CCNYL1: variants seen among roughly 807,000 people sequenced by gnomAD.
The protein encoded by CCNYL1 is cyclin-Y-like protein 1.
A neutral mutation model predicts 44.2 loss-of-function variants in CCNYL1; 16 were observed. That is an observed-to-expected ratio of 0.36 (90% confidence interval 0.25 to 0.55). CCNYL1 has a LOEUF of 0.55. CCNYL1 is among the 20% of genes least tolerant of loss of function. The pLI, the probability that CCNYL1 is intolerant of heterozygous loss-of-function variation, is 0.85. For missense variants in CCNYL1, 348 were observed against 451.8 expected (o/e 0.77, Z 2.08); for synonymous variants, 159 against 163.2 (o/e 0.97, Z 0.20).
At chr2:207,717,943 C>T (rs113247286) in intron 1 of CCNYL1, among the ~76,000 whole-genome samples, 2,758 of 139,056 alleles carry the variant, frequency 0.02, 41 homozygotes, top group Non-Finnish European at 0.027. Context: ...TTCACTGTGT[C>T]GCCCAGGTTG....
chr2:207,742,491 G>A (rs1055355761), intron 7 of CCNYL1, 149 bp downstream of exon 7: 25 of 728,650 alleles, frequency 3.4e-5, no homozygotes, highest in East Asian at 1.6e-4. Context: ...GTACATTCGC[G>A]TTTAATCATC....
chr2:207,753,029 A>G (rs1487746387), intron 9 of CCNYL1, among the ~76,000 whole-genome samples: 1 of 147,662 alleles, frequency 6.8e-6, no homozygotes, highest in Non-Finnish European at 1.5e-5. Flanking sequence ...CTCTGCCTCA[A>G]AAAAAAAAAA....
intron 7 of CCNYL1, among the ~76,000 whole-genome samples, chr2:207,746,392 G>A (rs1168343477): frequency 2.6e-5 from 4 of 152,206 alleles, no homozygotes; most frequent in African/African-American, 7.2e-5. Context: ...TACCATGCAA[G>A]TATGATACAT....
At chr2:207,752,367 C>T (rs183986794) in intron 9 of CCNYL1, among the ~76,000 whole-genome samples, 79 of 151,936 alleles carry the variant, frequency 5.2e-4, no homozygotes, top group Admixed American at 2.0e-3. Context: ...CACAGAGAAA[C>T]CCGGTCTCTA....
In CCNYL1 at chr2:207,717,254, T is replaced by C. The variant is rs146670171; in HGVS notation, c.220+5138T>C. ...TCTGAATAGCTACCACTTTAAAAGATTTGATGCTTACCACTTTAAAAGATT... is the reference window on the plus strand; with the variant it reads ...TCTGAATAGCTACCACTTTAAAAGACTTGATGCTTACCACTTTAAAAGATT... On this transcript the variant is annotated intron_variant, in intron 1 of 9. Transcript: ENST00000295414. 3.9e-3 allele frequency among the ~76,000 whole-genome samples: 597 copies of C among 152,308 alleles called. 2 individuals are homozygous for C. Among genetic ancestry groups the C allele is most frequent in the African/African-American group, 0.013 (549 of 41,568 alleles).
chr2:207,750,907 G>A lies in CCNYL1; in HGVS notation c.807-50G>A, dbSNP rs781579850. ...GAATGATATTTTTGAAGATAGCCCA[G>A]TTGACTGACATTGTCCTGTGCTGGT... On this transcript the variant is annotated intron_variant, in intron 8 of 9. Coordinates refer to ENST00000295414, the MANE Select transcript of CCNYL1 (RefSeq NM_001330218.2). 5.2e-6 allele frequency: 8 copies of A among 1,540,566 alleles called. No individual in the cohort carries two copies. In the South Asian group the frequency reaches 8.1e-5, roughly 16 times the overall value.
At chr2:207,735,351 C>T (rs1382925189) in intron 4 of CCNYL1, among the ~76,000 whole-genome samples, 7 of 152,198 alleles carry the variant, frequency 4.6e-5, no homozygotes, top group Admixed American at 4.6e-4. Context: ...ATATCAGAAT[C>T]ACTTACGCAA....
chr2:207,731,917 C>A lies in CCNYL1; in HGVS notation c.331-2030C>A, dbSNP rs575797727. On this transcript the variant is annotated intron_variant, in intron 3 of 9. Transcript: ENST00000295414. ...CTCCGCCTCCCAGGTTCAAGTGATT[C>A]TCTTGCCTCGGCCTCCCGAGTAGTT... Among the ~76,000 whole-genome samples the A allele has an allele frequency of 5.2e-3, 778 of 148,286 alleles. 8 individuals are homozygous for A. The highest frequency in any genetic ancestry group is 0.019 in the African/African-American group (748 of 40,300).
intron 3 of CCNYL1, among the ~76,000 whole-genome samples, chr2:207,728,814 T>C (rs1163389296): frequency 6.6e-6 from 1 of 152,124 alleles, no homozygotes; most frequent in African/African-American, 2.4e-5. Flanking sequence ...TTCCTTTTTT[T>C]TGAGACGGAG....
At chr2:207,737,167 G>A (rs1253956340) in intron 4 of CCNYL1, among the ~76,000 whole-genome samples, 2 of 152,172 alleles carry the variant, frequency 1.3e-5, no homozygotes, top group East Asian at 1.9e-4. Flanking sequence ...CACCTGCCTC[G>A]GCCTCCCAAA....
intron 1 of CCNYL1, among the ~76,000 whole-genome samples, chr2:207,721,719 T>C (rs1354156027): frequency 6.6e-6 from 1 of 151,228 alleles, no homozygotes; most frequent in Non-Finnish European, 1.5e-5. Flanking sequence ...TTTCAAACAT[T>C]CTTAGGAGTT....
chr2:207,741,824 C>T (rs753182934), intron 6 of CCNYL1, among the ~76,000 whole-genome samples: 5 of 142,504 alleles, frequency 3.5e-5, no homozygotes, highest in East Asian at 2.1e-4. Flanking sequence ...CCAGCCTGGG[C>T]GACAGAGCAA....
chr2:207,727,845 C>T (rs2091692204), intron 3 of CCNYL1, among the ~76,000 whole-genome samples: 1 of 152,124 alleles, frequency 6.6e-6, no homozygotes, highest in African/African-American at 2.4e-5. Context: ...GTGTTTCCCT[C>T]TATCTTGTTA....
intron 3 of CCNYL1, among the ~76,000 whole-genome samples, chr2:207,733,350 T>G (rs1177269167): frequency 6.6e-6 from 1 of 152,238 alleles, no homozygotes; most frequent in Non-Finnish European, 1.5e-5. Context: ...TTTTGTCATC[T>G]TTTTTGTTTG....
At chr2:207,751,270 C>T (rs759832446) in intron 9 of CCNYL1, 151 bp downstream of exon 9, 4 of 635,998 alleles carry the variant, frequency 6.3e-6, no homozygotes, top group Non-Finnish European at 8.0e-6. Flanking sequence ...GTCAGATTTC[C>T]TGTGTCTTGT....
chr2:207,738,676 T>G (rs1011327184), intron 5 of CCNYL1, among the ~76,000 whole-genome samples: 1 of 152,086 alleles, frequency 6.6e-6, no homozygotes, highest in African/African-American at 2.4e-5. Context: ...TCTAATATTA[T>G]GCATTGGTTA....
intron 1 of CCNYL1, among the ~76,000 whole-genome samples, chr2:207,715,506 A>C (rs968981338): frequency 3.4e-5 from 5 of 147,888 alleles, no homozygotes; most frequent in Non-Finnish European, 5.9e-5. Context: ...CAGCCTCCCA[A>C]GTAGTTGGGA....
intron 5 of CCNYL1, among the ~76,000 whole-genome samples, chr2:207,738,922 G>T (rs911641407): frequency 1.3e-5 from 2 of 151,916 alleles, no homozygotes; most frequent in Non-Finnish European, 2.9e-5. Flanking sequence ...GTTTCACCAT[G>T]TTGCCCAGGC....
rs2091551476 is a variant in CCNYL1 at position 207,711,952 on chromosome 2, G to A, written c.56G>A (p.Arg19Gln). The A allele has an allele frequency of 1.4e-6, 2 of 1,399,748 alleles. No homozygotes were observed. Among genetic ancestry groups the A allele is most frequent in the Non-Finnish European group, 9.3e-7 (1 of 1,073,926 alleles). 86.7% of individuals were successfully genotyped at this position (1,399,748 alleles called of 1,614,324 possible). ...CCCAATGCCAGCCCCAAGCTGGGCC[G>A]GCGCGCGGGGTCGGCGGAGCTGTAC... ...VSPNASPKLG[R>Q]RAGSAELYCA... Residue 19 changes from arginine (R) to glutamine (Q), a missense_variant, in exon 1 of 10, where the codon CGG becomes CAG. Physicochemically the swap from Arg to Gln is conservative, Grantham distance 43. Transcript: ENST00000295414.
Sources: allele counts gnomAD v4.1 joint callset (sites outside exome capture counted in the v4.1 genomes callset), GRCh38; gene constraint gnomAD v4.1.1; transcripts MANE v1.5; gene names NCBI Gene and HGNC (gene_info 2026-07-23, HGNC 2026-07-21).